LNP1: variants seen among roughly 807,000 people sequenced by gnomAD.
LNP1 encodes the protein leukemia NUP98 fusion partner 1.
LNP1 carries 12 observed loss-of-function variants against 14.5 expected under a neutral mutation model. The observed-to-expected ratio is 0.83, with a 90% CI of 0.53 to 1.34. The LOEUF (loss-of-function observed/expected upper bound fraction) is 1.34. LNP1 is among the 40% of genes most tolerant of loss of function. The probability of loss-of-function intolerance (pLI) is 0.00; values close to 1 mark genes in which losing one functional copy is unlikely to be tolerated. For synonymous variants in LNP1, 75 were observed against 71.4 expected (o/e 1.05, Z -0.26); for missense variants, 198 against 210.9 (o/e 0.94, Z 0.38).
At chr3:100,405,445 A>T (rs953398592) in intron 1 of LNP1, among the ~76,000 whole-genome samples, 7 of 152,230 alleles carry the variant, frequency 4.6e-5, no homozygotes, top group African/African-American at 1.7e-4. Flanking sequence ...CTACTTAGCT[A>T]ATAAACTATA....
At chr3:100,437,780 A>C (rs968132167) in intron 2 of LNP1, among the ~76,000 whole-genome samples, 1 of 152,250 alleles carries the variant, frequency 6.6e-6, no homozygotes, top group African/African-American at 2.4e-5. Context: ...AAATTGGTAC[A>C]TGGCTAAAAG....
chr3:100,453,439 A>G (rs1707478831), intron 3 of LNP1, among the ~76,000 whole-genome samples: 1 of 151,484 alleles, frequency 6.6e-6, no homozygotes, highest in Non-Finnish European at 1.5e-5. Flanking sequence ...AAAAAAAAAA[A>G]AATTACCAGC....
At position 100,429,851 on chromosome 3, in the gene LNP1, C is replaced by T. The variant is rs947867607; in HGVS notation, c.122C>T (p.Ala41Val). Reference sequence around the variant, plus strand: ...CTCCGGGAACGCCACCGACTGCAAGCCACCAGTCACAGGAAAACCTCCCTG... The same window carrying T: ...CTCCGGGAACGCCACCGACTGCAAGTCACCAGTCACAGGAAAACCTCCCTG... ...RGLRERHRLQ[A>V]TSHRKTSLPC... is the part of the protein sequence containing the mutation. The change falls in exon 2 of 4, where the codon GCC becomes GTC. Residue 41 changes from alanine to valine, a missense_variant. Coordinates refer to ENST00000383693, the MANE Select transcript of LNP1 (RefSeq NM_001085451.2). 4 of 1,613,894 alleles carry T rather than the reference C, an allele frequency of 2.5e-6. No individual in the cohort carries two copies. Among genetic ancestry groups the T allele is most frequent in the Middle Eastern group, 1.7e-4 (1 of 6,056 alleles).
chr3:100,448,328 T>C (rs1707407631), intron 2 of LNP1, among the ~76,000 whole-genome samples: 1 of 152,236 alleles, frequency 6.6e-6, no homozygotes, highest in African/African-American at 2.4e-5. Flanking sequence ...AAACAAACCT[T>C]ACTGCCTGTG....
chr3:100,446,227 G>A (rs1189690414), intron 2 of LNP1, among the ~76,000 whole-genome samples: 1 of 152,152 alleles, frequency 6.6e-6, no homozygotes, highest in African/African-American at 2.4e-5. Context: ...AACCAAAACA[G>A]CATGGTACTT....
At chr3:100,452,014 C>T (rs1576238240) in intron 3 of LNP1, 65 bp downstream of exon 3, 1 of 1,036,816 alleles carries the variant, frequency 9.6e-7, no homozygotes, top group African/African-American at 1.6e-5. Context: ...GTTTTGTCCT[C>T]TTTATGATTG....
intron 1 of LNP1, among the ~76,000 whole-genome samples, chr3:100,419,365 A>G (rs7624842): frequency 1.4e-4 from 22 of 152,214 alleles, no homozygotes; most frequent in African/African-American, 5.3e-4. Flanking sequence ...CAGAAGTCCC[A>G]TGCATCCTTC....
At chr3:100,417,275 T>G (rs2148900556) in intron 1 of LNP1, among the ~76,000 whole-genome samples, 1 of 152,140 alleles carries the variant, frequency 6.6e-6, no homozygotes, top group African/African-American at 2.4e-5. Context: ...TTTTAAAATA[T>G]AGCAAACATA....
intron 2 of LNP1, among the ~76,000 whole-genome samples, chr3:100,431,870 C>G (rs1436311813): frequency 6.8e-6 from 1 of 147,824 alleles, no homozygotes; most frequent in Non-Finnish European, 1.5e-5. Flanking sequence ...GGTGGTGCTT[C>G]CATAGTCCCA....
chr3:100,409,977 A>G (rs554262267), intron 1 of LNP1, among the ~76,000 whole-genome samples: 84 of 151,988 alleles, frequency 5.5e-4, no homozygotes, highest in African/African-American at 1.9e-3. Context: ...CTATCTATCT[A>G]TCTATCTATC....
rs66513332 is a variant in LNP1, at chr3:100,431,992, TTATATATATATA to T, written c.156+2157_156+2168del. Among the ~76,000 whole-genome samples the T allele has an allele frequency of 9.0e-3, 310 of 34,468 alleles. 6 individuals carry two copies. Among genetic ancestry groups the T allele is most frequent in the South Asian group, 0.02 (12 of 598 alleles). The allele number at this position is 34,468 out of a possible 152,430, so 22.6% of individuals were successfully genotyped here. On this transcript the variant is annotated intron_variant, in intron 2 of 3. Coordinates refer to ENST00000383693, the MANE Select transcript of LNP1 (RefSeq NM_001085451.2). ...CCTGGGTAACAGAATGAGACCTTGT[TTATATATATATA>T]TATATATATATATATATATATATAT...
rs565769310 is a variant in LNP1, at chr3:100,418,059, A to ACTTTTTTTTTTTTTTTTT, written c.-33-11638_-33-11637insCTTTTTTTTTTTTTTTTT. Among the ~76,000 whole-genome samples, 7 of 115,622 alleles carry ACTTTTTTTTTTTTTTTTT rather than the reference A, an allele frequency of 6.1e-5. 3 individuals are homozygous for ACTTTTTTTTTTTTTTTTT. Among genetic ancestry groups the ACTTTTTTTTTTTTTTTTT allele is most frequent in the African/African-American group, 6.5e-5 (2 of 30,766 alleles). The allele number at this position is 115,622 out of a possible 152,430, so 75.9% of individuals were successfully genotyped here. A position where few individuals can be genotyped will look rare whatever the true frequency, so the allele number is the denominator to read the frequency against. On this transcript the variant is annotated intron_variant, in intron 1 of 3. Transcript: ENST00000383693. Reference sequence around the variant, plus strand: ...GTTTTGTTCTTTCATTTCTCATACCATTTTTTTTTTTTTTTTTTGAGATGG... The same window carrying ACTTTTTTTTTTTTTTTTT: ...GTTTTGTTCTTTCATTTCTCATACCACTTTTTTTTTTTTTTTTTTTTTTTTTTTTTTTTTTTGAGATGG...
intron 2 of LNP1, among the ~76,000 whole-genome samples, chr3:100,440,196 A>G (rs921400001): frequency 3.3e-5 from 5 of 152,112 alleles, no homozygotes; most frequent in Non-Finnish European, 5.9e-5. Context: ...ATTAGGGCTC[A>G]CCCTAATGGC....
intron 1 of LNP1, 95 bp downstream of exon 1, chr3:100,402,534 C>T (rs746814757): frequency 6.6e-6 from 1 of 152,154 alleles, no homozygotes; most frequent in African/African-American, 2.4e-5. Context: ...TTGAGTTGAT[C>T]GTTGCAGGCA....
rs1236726555 is a variant in LNP1, at chr3:100,401,545, C to T, written c.-928C>T. ...ACTGGTCGATTTCGGATCCAGTTTT[C>T]CAGTTATAGCCACGTTGGCACCTCT... On this transcript the variant is annotated 5_prime_UTR_variant, in exon 1 of 4. Transcript: ENST00000383693. 1 of 153,566 alleles carries T rather than the reference C, an allele frequency of 6.5e-6. No homozygotes were observed. The highest frequency in any genetic ancestry group is 2.4e-5 in the African/African-American group (1 of 41,466). The allele number at this position is 153,566 out of a possible 1,614,324, so 9.5% of individuals were successfully genotyped here. A position where few individuals can be genotyped will look rare whatever the true frequency, so the allele number is the denominator to read the frequency against.
At chr3:100,420,767 G>C (rs997318239) in intron 1 of LNP1, among the ~76,000 whole-genome samples, 2 of 151,892 alleles carry the variant, frequency 1.3e-5, no homozygotes, top group Non-Finnish European at 2.9e-5. Flanking sequence ...CTCTTAACAG[G>C]GTCTTTCATA....
At chr3:100,436,870 A>C (rs1707298800) in intron 2 of LNP1, among the ~76,000 whole-genome samples, 1 of 152,180 alleles carries the variant, frequency 6.6e-6, no homozygotes, top group South Asian at 2.1e-4. Context: ...TATCCTTAGA[A>C]GAAGAGACAT....
At position 100,429,842 on chromosome 3, in the gene LNP1, G is replaced by C. The variant is rs750149977; in HGVS notation, c.113G>C (p.Arg38Pro). Residue 38 changes from arginine (R) to proline (P), a missense_variant, in exon 2 of 4, where the codon CGA (arginine) becomes CCA (proline). Physicochemically the swap from Arg to Pro is moderately radical, Grantham distance 103. Coordinates refer to ENST00000383693, the MANE Select transcript of LNP1 (RefSeq NM_001085451.2). ...CAGAGAGGACTCCGGGAACGCCACC[G>C]ACTGCAAGCCACCAGTCACAGGAAA... is the stretch of plus-strand genomic sequence containing the variant. The part of the protein sequence containing the change: ...EDQRGLRERH[R>P]LQATSHRKTS... 7.4e-6 allele frequency: 12 copies of C among 1,613,920 alleles called. No homozygotes were observed. Among genetic ancestry groups the C allele is most frequent in the Non-Finnish European group, 9.3e-6 (11 of 1,179,938 alleles).
At chr3:100,406,976 A>C (rs1009521253) in intron 1 of LNP1, among the ~76,000 whole-genome samples, 1 of 152,168 alleles carries the variant, frequency 6.6e-6, no homozygotes, top group Non-Finnish European at 1.5e-5. Context: ...TCCTTTCCTC[A>C]ATATTTTGTG....
Sources: gnomAD v4.1 joint callset for allele counts (sites outside exome capture counted in the v4.1 genomes callset) on GRCh38, gnomAD v4.1.1 for gene constraint, MANE v1.5 for transcripts, NCBI Gene and HGNC (gene_info 2026-07-23, HGNC 2026-07-21) for gene names.